Variants in KCNQ3 observed in about 807,000 individuals in gnomAD.
KCNQ3 encodes potassium voltage-gated channel subfamily Q member 3.
Under a neutral mutation model 92.5 loss-of-function variants are expected in KCNQ3, and 30 were observed. The observed-to-expected ratio is 0.32, with a 90% CI of 0.24 to 0.44. KCNQ3 has a LOEUF of 0.44. KCNQ3 is among the 20% of genes least tolerant of loss of function. The pLI, the probability that KCNQ3 is intolerant of heterozygous loss-of-function variation, is 1.00. For missense variants in KCNQ3, 913 were observed against 1,140.3 expected (o/e 0.80, Z 2.87); for synonymous variants, 450 against 468.8 (o/e 0.96, Z 0.52).
At chr8:132,429,977 T>C (rs140906488) in intron 1 of KCNQ3, among the ~76,000 whole-genome samples, 128 of 152,218 alleles carry the variant, frequency 8.4e-4, no homozygotes, top group African/African-American at 2.2e-3. Flanking sequence ...ATTCATTCAT[T>C]CATTCATTCA....
chr8:132,356,264 A>C lies in KCNQ3; in HGVS notation c.386+123883T>G, dbSNP rs1004301762. Among the ~76,000 whole-genome samples the C allele has an allele frequency of 2.0e-5, 3 of 152,208 alleles. No homozygotes were observed. In the South Asian group the frequency reaches 6.2e-4, roughly 32 times the overall value. ...GGAAGAAATATAAGTGTTCATTCAA[A>C]GTCAAGTTTCTACAAGAAAAATGTG... On this transcript the variant is annotated intron_variant, in intron 1 of 14. Coordinates refer to ENST00000388996, the MANE Select transcript of KCNQ3 (RefSeq NM_004519.4).
In KCNQ3 at chr8:132,124,054, A is replaced by C. The variant is rs1045687096; in HGVS notation, c.*5208T>G. 4 of 152,188 alleles carry C rather than the reference A, an allele frequency of 2.6e-5. No individual in the cohort carries two copies. Among genetic ancestry groups the C allele is most frequent in the African/African-American group, 9.7e-5 (4 of 41,426 alleles). The allele number at this position is 152,188 out of a possible 1,614,324, so 9.4% of individuals were successfully genotyped here. ...GCTTTATCTCCTACACATCATCCAG[A>C]TGGTGCAACATCTGGTACTATATGT... On this transcript the variant is annotated 3_prime_UTR_variant, in exon 15 of 15. Transcript: ENST00000388996.
At position 132,160,025 on chromosome 8, in the gene KCNQ3, C is replaced by T. The variant is rs561843415; in HGVS notation, c.1262+3443G>A. Among the ~76,000 whole-genome samples, 8 of 152,282 alleles carry T rather than the reference C, an allele frequency of 5.3e-5. No individual in the cohort carries two copies. The East Asian group carries it at 9.6e-4, about 18-fold the overall frequency. On this transcript the variant is annotated intron_variant, in intron 9 of 14. Coordinates refer to ENST00000388996, the MANE Select transcript of KCNQ3 (RefSeq NM_004519.4). ...AGCTTAGCCCCTTGGAGGCAACTGA[C>T]TTAATATATATAACAGGCAATCATC...
intron 1 of KCNQ3, among the ~76,000 whole-genome samples, chr8:132,236,517 A>T (rs1191669278): frequency 6.6e-6 from 1 of 152,156 alleles, no homozygotes; most frequent in African/African-American, 2.4e-5. Context: ...ATATATATGG[A>T]CACTGTCAAT....
intron 1 of KCNQ3, among the ~76,000 whole-genome samples, chr8:132,445,837 C>T (rs954536069): frequency 4.6e-5 from 7 of 152,192 alleles, no homozygotes; most frequent in South Asian, 2.1e-4. Flanking sequence ...CTAGGTCATA[C>T]GGTTAGTAAA....
chr8:132,326,191 T>C (rs1165307811), intron 1 of KCNQ3, among the ~76,000 whole-genome samples: 1 of 152,140 alleles, frequency 6.6e-6, no homozygotes, highest in Non-Finnish European at 1.5e-5. Context: ...GGAAGTGGCA[T>C]GAGTGCAGAA....
intron 1 of KCNQ3, among the ~76,000 whole-genome samples, chr8:132,383,195 A>C (rs757875115): frequency 6.6e-6 from 1 of 152,184 alleles, no homozygotes; most frequent in South Asian, 2.1e-4. Context: ...ACCCACCCCA[A>C]TGAAGATCCA....
At chr8:132,361,215 A>C (rs1423261846) in intron 1 of KCNQ3, among the ~76,000 whole-genome samples, 1 of 152,152 alleles carries the variant, frequency 6.6e-6, no homozygotes, top group Non-Finnish European at 1.5e-5. Context: ...AGCCTCTCTG[A>C]AGCCAAGTAG....
At chr8:132,284,850 GT>G (rs2130538843) in intron 1 of KCNQ3, among the ~76,000 whole-genome samples, 1 of 152,326 alleles carries the variant, frequency 6.6e-6, no homozygotes, top group Non-Finnish European at 1.5e-5. Context: ...GACTAAATTA[GT>G]TCTGGCAGAA....
chr8:132,428,797 T>A (rs1479100785), intron 1 of KCNQ3, among the ~76,000 whole-genome samples: 1 of 152,220 alleles, frequency 6.6e-6, no homozygotes, highest in African/African-American at 2.4e-5. Context: ...CTCAGTTACA[T>A]AAGCAGATAT....
intron 1 of KCNQ3, among the ~76,000 whole-genome samples, chr8:132,318,434 T>C (rs944349246): frequency 1.3e-5 from 2 of 152,208 alleles, no homozygotes; most frequent in Admixed American, 6.5e-5. Flanking sequence ...AGAGGGAATC[T>C]GTTTGTAAGA....
At chr8:132,455,696 A>G (rs1821922753) in intron 1 of KCNQ3, among the ~76,000 whole-genome samples, 1 of 152,168 alleles carries the variant, frequency 6.6e-6, no homozygotes, top group Non-Finnish European at 1.5e-5. Context: ...CATCTGCACT[A>G]ACTAACTCAT....
At chr8:132,253,636 T>C (rs1815487436) in intron 1 of KCNQ3, among the ~76,000 whole-genome samples, 1 of 152,202 alleles carries the variant, frequency 6.6e-6, no homozygotes, top group South Asian at 2.1e-4. Flanking sequence ...TTTCCTCTGC[T>C]TTATACATTT....
chr8:132,344,100 G>A (rs547571543), intron 1 of KCNQ3, among the ~76,000 whole-genome samples: 10 of 152,276 alleles, frequency 6.6e-5, no homozygotes, highest in Non-Finnish European at 1.2e-4. Flanking sequence ...AAGTGCACAA[G>A]CATATTATGG....
intron 1 of KCNQ3, among the ~76,000 whole-genome samples, chr8:132,383,705 C>T (rs1819816972): frequency 6.6e-6 from 1 of 152,188 alleles, no homozygotes; most frequent in Non-Finnish European, 1.5e-5. Context: ...GGATGCAGAC[C>T]TTGTGGATGC....
In KCNQ3 at chr8:132,476,120, G is replaced by A. The variant is rs553445517; in HGVS notation, c.386+4027C>T. 7.9e-5 allele frequency among the ~76,000 whole-genome samples: 12 copies of A among 152,354 alleles called. No individual in the cohort carries two copies. The East Asian group carries it at 1.9e-3, about 25-fold the overall frequency. On this transcript the variant is annotated intron_variant, in intron 1 of 14. Coordinates refer to ENST00000388996, the MANE Select transcript of KCNQ3 (RefSeq NM_004519.4). ...GTGTTGGGCCTGTGGGTGCACAGAA[G>A]ACAAGAGTTAGGCTTTGGGAACCTC...
At chr8:132,327,594 G>A (rs564729063) in intron 1 of KCNQ3, among the ~76,000 whole-genome samples, 2 of 152,254 alleles carry the variant, frequency 1.3e-5, no homozygotes, top group East Asian at 3.9e-4. Context: ...AAGGGGATGT[G>A]CCTACCTGGA....
At chr8:132,222,021 C>A (rs1186914505) in intron 1 of KCNQ3, among the ~76,000 whole-genome samples, 1 of 152,122 alleles carries the variant, frequency 6.6e-6, no homozygotes, top group African/African-American at 2.4e-5. Context: ...GACTTCATGA[C>A]TAAAATAACA....
chr8:132,307,675 A>G lies in KCNQ3; in HGVS notation c.387-121494T>C, dbSNP rs1162942558. 2.6e-5 allele frequency among the ~76,000 whole-genome samples: 4 copies of G among 152,322 alleles called. No homozygotes were observed. The East Asian group carries it at 7.7e-4, about 29-fold the overall frequency. Reference sequence around the variant, plus strand: ...GTACTCACTCATAAGTGTTTGTTTAATTGAATCAGATTAATGATCTCAGGC... The same window carrying G: ...GTACTCACTCATAAGTGTTTGTTTAGTTGAATCAGATTAATGATCTCAGGC... On this transcript the variant is annotated intron_variant, in intron 1 of 14. Transcript: ENST00000388996.
Sources: allele counts gnomAD v4.1 joint callset (sites outside exome capture counted in the v4.1 genomes callset), GRCh38; gene constraint gnomAD v4.1.1; transcripts MANE v1.5; gene names NCBI Gene and HGNC (gene_info 2026-07-23, HGNC 2026-07-21).